Variants in ESRRG observed in about 807,000 individuals in gnomAD.
The protein encoded by ESRRG is estrogen-related receptor gamma.
Under a neutral mutation model 44.0 loss-of-function variants are expected in ESRRG, and 13 were observed. That is an observed-to-expected ratio of 0.30 (90% CI 0.19 to 0.47). The LOEUF (loss-of-function observed/expected upper bound fraction) is 0.47, where lower values mean the gene tolerates loss of function less well. ESRRG is among the 20% of genes least tolerant of loss of function. The probability of loss-of-function intolerance (pLI) is 1.00; values close to 1 mark genes in which losing one functional copy is unlikely to be tolerated. For missense variants in ESRRG, 395 were observed against 580.6 expected, an observed-to-expected ratio of 0.68 and a Z score of 3.29; for synonymous variants, 215 against 214.6, an observed-to-expected ratio of 1.00 and a Z score of -0.02.
chr1:217,120,986 T>A (rs2102497283), intron 1 of ESRRG, among the ~76,000 whole-genome samples: 1 of 152,274 alleles, frequency 6.6e-6, no homozygotes, highest in East Asian at 1.9e-4. Flanking sequence ...GCACAGTGCC[T>A]ACAGACACAC....
intron 1 of ESRRG, among the ~76,000 whole-genome samples, chr1:217,062,515 C>T (rs1434240483): frequency 6.6e-6 from 1 of 152,154 alleles, no homozygotes; most frequent in East Asian, 1.9e-4. Context: ...TCAACAGAAT[C>T]AGCTGCTCCA....
chr1:216,508,509 A>G (rs993993061), intron 6 of ESRRG, among the ~76,000 whole-genome samples: 2 of 152,194 alleles, frequency 1.3e-5, no homozygotes, highest in African/African-American at 4.8e-5. Flanking sequence ...CAAGTGGGAA[A>G]TAGCATTGAT....
At position 217,136,834 on chromosome 1, in the gene ESRRG, C is replaced by A. The variant is rs2093056576; in HGVS notation, c.-230+833G>T. ...CTTCCCAGTTCCTGAGGTTGCTACGCTAAATTTATCCTGAATGTCGCACAG... is the reference window on the plus strand; with the variant it reads ...CTTCCCAGTTCCTGAGGTTGCTACGATAAATTTATCCTGAATGTCGCACAG... On this transcript the variant is annotated intron_variant, in intron 1 of 8. Coordinates refer to the ESRRG transcript ENST00000366940. Among the ~76,000 whole-genome samples the A allele has an allele frequency of 2.0e-5, 3 of 152,194 alleles. No homozygotes were observed. In the South Asian group the frequency reaches 6.2e-4, roughly 31 times the overall value.
intron 1 of ESRRG, among the ~76,000 whole-genome samples, chr1:217,026,686 G>A (rs7525673): frequency 0.028 from 4,268 of 152,092 alleles, 206 homozygotes; most frequent in African/African-American, 0.099. Flanking sequence ...AAGTTCAGTT[G>A]AATATTAACC....
At chr1:217,066,316 G>A (rs1212492643) in intron 1 of ESRRG, among the ~76,000 whole-genome samples, 1 of 143,060 alleles carries the variant, frequency 7.0e-6, no homozygotes, top group African/African-American at 2.6e-5. Context: ...GTGCAGTGGC[G>A]CGATCTCGGC....
chr1:216,694,383 G>T (rs1282021530), intron 1 of ESRRG, among the ~76,000 whole-genome samples: 1 of 151,984 alleles, frequency 6.6e-6, no homozygotes, highest in Non-Finnish European at 1.5e-5. Context: ...AATCAGAAAT[G>T]GGTTCAGAAG....
chr1:216,534,968 T>C (rs1243054688), intron 5 of ESRRG, among the ~76,000 whole-genome samples: 1 of 152,088 alleles, frequency 6.6e-6, no homozygotes. Flanking sequence ...GCCTGCAAAC[T>C]GAAATGATGG....
chr1:217,084,459 A>G (rs1421461435), intron 1 of ESRRG, among the ~76,000 whole-genome samples: 1 of 107,258 alleles, frequency 9.3e-6, no homozygotes, highest in Non-Finnish European at 2.2e-5. Flanking sequence ...AATCTAATAT[A>G]TCTTAGAATG....
chr1:216,870,000 T>A (rs377061845), intron 2 of ESRRG, among the ~76,000 whole-genome samples: 60 of 151,982 alleles, frequency 3.9e-4, no homozygotes, highest in African/African-American at 1.4e-3. Context: ...TTTATTTATT[T>A]CCAATAATCT....
At chr1:216,508,309 G>GT (rs2041764936) in intron 6 of ESRRG, among the ~76,000 whole-genome samples, 2 of 152,036 alleles carry the variant, frequency 1.3e-5, no homozygotes, top group Admixed American at 1.3e-4. Context: ...TTTGTTTAGT[G>GT]TTTTTTTCAC....
At chr1:216,989,280 C>A (rs2075316119) in intron 1 of ESRRG, among the ~76,000 whole-genome samples, 1 of 151,804 alleles carries the variant, frequency 6.6e-6, no homozygotes. Flanking sequence ...AACCCCATCT[C>A]CATCTCTAAA....
chr1:216,705,643 G>A (rs1418367827), intron 1 of ESRRG, among the ~76,000 whole-genome samples: 2 of 152,124 alleles, frequency 1.3e-5, no homozygotes, highest in Non-Finnish European at 1.5e-5. Flanking sequence ...TATGCAAATC[G>A]AATGCTTTCA....
chr1:217,027,850 T>C (rs1296085083), intron 1 of ESRRG, among the ~76,000 whole-genome samples: 1 of 152,176 alleles, frequency 6.6e-6, no homozygotes, highest in Non-Finnish European at 1.5e-5. Flanking sequence ...AGTGGTTAAA[T>C]GAATAAAAGA....
At chr1:216,763,706 A>G (rs1353401649) in intron 2 of ESRRG, among the ~76,000 whole-genome samples, 1 of 152,148 alleles carries the variant, frequency 6.6e-6, no homozygotes, top group South Asian at 2.1e-4. Flanking sequence ...TTCACTGTGC[A>G]TGGGCAGTCA....
intron 2 of ESRRG, among the ~76,000 whole-genome samples, chr1:216,787,267 C>A (rs1239521830): frequency 6.6e-6 from 1 of 151,912 alleles, no homozygotes; most frequent in Admixed American, 6.6e-5. Context: ...CTTGGCCATC[C>A]CTATTCTCTG....
chr1:216,714,517 C>G (rs2084375947), intron 1 of ESRRG: 2 of 889,432 alleles, frequency 2.2e-6, no homozygotes, highest in Non-Finnish European at 2.7e-6. Context: ...CGAACTTACC[C>G]CAGAAACTGA....
At chr1:216,661,753 T>A (rs1004654678) in intron 2 of ESRRG, among the ~76,000 whole-genome samples, 3 of 152,094 alleles carry the variant, frequency 2.0e-5, no homozygotes, top group Middle Eastern at 3.2e-3. Context: ...GAGGAAAAAA[T>A]GGAATTAGAG....
At chr1:216,520,911 G>C (rs1297337486) in intron 5 of ESRRG, among the ~76,000 whole-genome samples, 3 of 152,152 alleles carry the variant, frequency 2.0e-5, no homozygotes, top group African/African-American at 7.2e-5. Flanking sequence ...TATCCCATAT[G>C]ATATTAGAAA....
chr1:216,628,016 G>A (rs568249939), intron 3 of ESRRG, among the ~76,000 whole-genome samples: 13 of 152,252 alleles, frequency 8.5e-5, no homozygotes, highest in East Asian at 3.9e-4. Context: ...ATATTCATGC[G>A]TATGAACTAC....
Sources: gnomAD v4.1 joint callset for allele counts (sites outside exome capture counted in the v4.1 genomes callset) on GRCh38, gnomAD v4.1.1 for gene constraint, MANE v1.5 for transcripts, NCBI Gene and HGNC (gene_info 2026-07-23, HGNC 2026-07-21) for gene names.